EYS: variants seen among roughly 807,000 people sequenced by gnomAD.
The protein encoded by EYS is protein eyes shut homolog.
A neutral mutation model predicts 282.1 loss-of-function variants in EYS; 250 were observed. The observed-to-expected ratio is 0.89, with a 90% confidence interval of 0.80 to 0.98. The LOEUF (loss-of-function observed/expected upper bound fraction) is 0.98. EYS is among the 50% of genes least tolerant of loss of function. The pLI, the probability that EYS is intolerant of heterozygous loss-of-function variation, is 0.00. For missense variants in EYS, 4,016 were observed against 3,709.0 expected (o/e 1.08, Z -2.15); for synonymous variants, 1,355 against 1,282.9 (o/e 1.06, Z -1.20).
At chr6:64,271,062 G>A (rs1012732165) in intron 30 of EYS, among the ~76,000 whole-genome samples, 1 of 152,150 alleles carries the variant, frequency 6.6e-6, no homozygotes, top group Non-Finnish European at 1.5e-5. Flanking sequence ...CTTTACCAGT[G>A]TGAACAGAAA....
chr6:63,838,366 C>T (rs1235567554), intron 36 of EYS, among the ~76,000 whole-genome samples: 1 of 152,018 alleles, frequency 6.6e-6, no homozygotes, highest in Admixed American at 6.6e-5. Context: ...TTTTGTTAAA[C>T]GTTTGCTAAA....
rs187739726 is a variant in EYS at position 63,743,574 on chromosome 6, C to G, written c.8072-16894G>C. 1.3e-3 allele frequency among the ~76,000 whole-genome samples: 200 copies of G among 152,244 alleles called. 1 individual carries two copies. Among genetic ancestry groups the G allele is most frequent in the African/African-American group, 4.6e-3 (193 of 41,540 alleles). On this transcript the variant is annotated intron_variant, in intron 41 of 42. Coordinates refer to ENST00000503581, the MANE Select transcript of EYS (RefSeq NM_001142800.2). ...CCTAGTAACCAAGCATTCAAGTTGT[C>G]AGATGGAAGGACAGGGCAATTTTTG...
At chr6:65,490,573 G>T (rs753678394) in intron 5 of EYS, 21 bp downstream of exon 5, 3 of 1,224,036 alleles carry the variant, frequency 2.5e-6, no homozygotes, top group Admixed American at 3.4e-5. Context: ...GTATATGGTT[G>T]TATACATATG....
intron 22 of EYS, among the ~76,000 whole-genome samples, chr6:64,683,478 G>T (rs1179599406): frequency 6.6e-6 from 1 of 152,102 alleles, no homozygotes; most frequent in Admixed American, 6.6e-5. Flanking sequence ...TATTGAATTT[G>T]CTTAATATTG....
At chr6:64,181,230 C>A (rs4355589) in intron 31 of EYS, among the ~76,000 whole-genome samples, 5 of 151,924 alleles carry the variant, frequency 3.3e-5, no homozygotes, top group Non-Finnish European at 5.9e-5. Flanking sequence ...ACATCCTCCA[C>A]TGGACATTAA....
intron 35 of EYS, among the ~76,000 whole-genome samples, chr6:63,900,550 C>T (rs887211862): frequency 6.6e-6 from 1 of 152,184 alleles, no homozygotes; most frequent in African/African-American, 2.4e-5. Flanking sequence ...CCAGGTCACT[C>T]ACCTCTCCCC....
At chr6:63,816,723 T>G (rs779251886) in intron 36 of EYS, among the ~76,000 whole-genome samples, 4 of 152,218 alleles carry the variant, frequency 2.6e-5, no homozygotes, top group Non-Finnish European at 5.9e-5. Flanking sequence ...CATTGGCTTA[T>G]CCTAAGGCAT....
chr6:64,514,716 C>A (rs1777508261), intron 26 of EYS, among the ~76,000 whole-genome samples: 1 of 151,646 alleles, frequency 6.6e-6, no homozygotes, highest in Non-Finnish European at 1.5e-5. Flanking sequence ...AACTGTTTAC[C>A]AAGTCAGGTT....
At chr6:64,703,914 T>C (rs915280872) in intron 22 of EYS, among the ~76,000 whole-genome samples, 7 of 152,156 alleles carry the variant, frequency 4.6e-5, no homozygotes, top group Admixed American at 1.3e-4. Flanking sequence ...TTATTTTATC[T>C]TTCTCAGAGC....
chr6:64,039,788 A>G (rs920971548), intron 33 of EYS, among the ~76,000 whole-genome samples: 1 of 152,136 alleles, frequency 6.6e-6, no homozygotes, highest in African/African-American at 2.4e-5. Flanking sequence ...TTATTTTTGG[A>G]TTCTCCACAA....
Position 64,089,412 on chromosome 6 carries a change from T to C in EYS, c.6425-7410A>G, listed in dbSNP as rs1008337228. ...AATACTATATATAAATAAGAATCAA[T>C]TTATAATTTTCAGTGATTACAATTA... On this transcript the variant is annotated intron_variant, in intron 31 of 42. Coordinates refer to ENST00000503581, the MANE Select transcript of EYS (RefSeq NM_001142800.2). Among the ~76,000 whole-genome samples, 5 of 149,626 alleles carry C rather than the reference T, an allele frequency of 3.3e-5. No individual in the cohort carries two copies. In the East Asian group the frequency reaches 9.7e-4, roughly 29 times the overall value.
intron 28 of EYS, among the ~76,000 whole-genome samples, chr6:64,401,026 CCA>C (rs1487854023): frequency 6.6e-6 from 1 of 151,970 alleles, no homozygotes; most frequent in Non-Finnish European, 1.5e-5. Context: ...CTGCTGAACA[CCA>C]CAGAGATGAG....
intron 30 of EYS, among the ~76,000 whole-genome samples, chr6:64,254,410 G>A (rs947907933): frequency 6.6e-6 from 1 of 152,092 alleles, no homozygotes; most frequent in Non-Finnish European, 1.5e-5. Flanking sequence ...AAATATGCCA[G>A]GAAAGCTGAC....
intron 22 of EYS, among the ~76,000 whole-genome samples, chr6:64,770,043 A>G (rs918405153): frequency 2.0e-5 from 3 of 151,986 alleles, no homozygotes; most frequent in Non-Finnish European, 2.9e-5. Context: ...ATTCCTTTAC[A>G]TAAGTTTGAC....
intron 26 of EYS, among the ~76,000 whole-genome samples, chr6:64,452,839 A>G (rs1288503205): frequency 2.0e-5 from 3 of 152,200 alleles, no homozygotes; most frequent in Non-Finnish European, 2.9e-5. Context: ...CCTTCCTTAT[A>G]CCTTATACAA....
intron 31 of EYS, among the ~76,000 whole-genome samples, chr6:64,216,045 G>T (rs976912372): frequency 4.6e-5 from 7 of 152,204 alleles, no homozygotes; most frequent in African/African-American, 1.7e-4. Flanking sequence ...TTAGATTCTA[G>T]GTTTGGATGG....
intron 30 of EYS, 132 bp downstream of exon 30, chr6:64,306,838 C>A: frequency 1.6e-6 from 1 of 615,086 alleles, no homozygotes; most frequent in Non-Finnish European, 2.9e-6. Context: ...TGAAGTAGAA[C>A]GTAGGAATGT....
intron 11 of EYS, among the ~76,000 whole-genome samples, chr6:65,317,825 C>CTTTCTTT (rs1769342463): frequency 8.6e-5 from 7 of 81,286 alleles, no homozygotes; most frequent in Non-Finnish European, 1.3e-4. Context: ...TTCCTTCCTT[C>CTTTCTTT]CTTTCTTTCT....
At chr6:65,224,702 A>C (rs2150262300) in intron 12 of EYS, among the ~76,000 whole-genome samples, 1 of 152,294 alleles carries the variant, frequency 6.6e-6, no homozygotes, top group South Asian at 2.1e-4. Context: ...AAAATTAGAA[A>C]TGAAATTGCA....
Sources: gnomAD v4.1 joint callset for allele counts (sites outside exome capture counted in the v4.1 genomes callset) on GRCh38, gnomAD v4.1.1 for gene constraint, MANE v1.5 for transcripts, NCBI Gene and HGNC (gene_info 2026-07-23, HGNC 2026-07-21) for gene names.